TIAM1: variants seen among roughly 807,000 people sequenced by gnomAD.
The protein encoded by TIAM1 is rho guanine nucleotide exchange factor TIAM1.
In TIAM1, 65 loss-of-function variants were observed where a neutral mutation model predicts 163.5. That is an observed-to-expected ratio of 0.40 (90% CI 0.33 to 0.49). TIAM1 has a LOEUF of 0.49. TIAM1 is among the 20% of genes least tolerant of loss of function. The probability of loss-of-function intolerance (pLI) is 0.77; values close to 1 mark genes in which losing one functional copy is unlikely to be tolerated. For synonymous variants in TIAM1, 833 were observed against 810.1 expected (o/e 1.03, Z -0.48); for missense variants, 1,789 against 2,044.7 (o/e 0.87, Z 2.41).
chr21:31,521,525 T>C (rs1476328716), intron 1 of TIAM1, among the ~76,000 whole-genome samples: 1 of 152,088 alleles, frequency 6.6e-6, no homozygotes, highest in Non-Finnish European at 1.5e-5. Context: ...CACATGAGGC[T>C]AGGAGTTGAA....
intron 6 of TIAM1, among the ~76,000 whole-genome samples, chr21:31,229,079 G>A (rs1382729071): frequency 2.6e-5 from 4 of 152,072 alleles, no homozygotes; most frequent in Non-Finnish European, 5.9e-5. Context: ...ATTTGGGTGG[G>A]GGCACAGCCA....
intron 2 of TIAM1, among the ~76,000 whole-genome samples, chr21:31,419,922 G>A (rs1165506672): frequency 1.3e-5 from 2 of 152,106 alleles, no homozygotes; most frequent in Admixed American, 6.6e-5. Context: ...GTGGTGGCGC[G>A]TCTGTGGTCC....
At chr21:31,224,676 T>C (rs2087830800) in intron 7 of TIAM1, among the ~76,000 whole-genome samples, 2 of 152,156 alleles carry the variant, frequency 1.3e-5, no homozygotes, top group Non-Finnish European at 2.9e-5. Flanking sequence ...TGTTACTGAA[T>C]TGTTCGTGTT....
At chr21:31,162,705 G>A (rs548703996) in intron 16 of TIAM1, among the ~76,000 whole-genome samples, 2 of 149,980 alleles carry the variant, frequency 1.3e-5, no homozygotes, top group East Asian at 2.0e-4. Flanking sequence ...GCAGTGGCGC[G>A]ATCTTGACTC....
chr21:31,425,391 C>G (rs903988581), intron 2 of TIAM1, among the ~76,000 whole-genome samples: 3 of 152,126 alleles, frequency 2.0e-5, no homozygotes, highest in Non-Finnish European at 4.4e-5. Context: ...CTTCCCAAAA[C>G]GCAGCCCTGC....
chr21:31,273,303 A>C (rs1280725301), intron 3 of TIAM1, among the ~76,000 whole-genome samples: 2 of 152,160 alleles, frequency 1.3e-5, no homozygotes, highest in Non-Finnish European at 2.9e-5. Flanking sequence ...GAGAGTGTGG[A>C]GATCTTAGAG....
chr21:31,320,130 C>CAT lies in TIAM1; in HGVS notation c.-189+19111_-189+19112dup, dbSNP rs1181598626. Among the ~76,000 whole-genome samples the CAT allele has an allele frequency of 2.6e-5, 4 of 152,034 alleles. No individual in the cohort carries two copies. In the South Asian group the frequency reaches 6.2e-4, roughly 24 times the overall value. ...TATATAAACATATATATAAAAGATA[C>CAT]ATATATATATCATCAACCCAAAACA... On this transcript the variant is annotated intron_variant, in intron 2 of 27. Transcript: ENST00000541036.
At chr21:31,315,103 G>T (rs1257942548) in intron 2 of TIAM1, among the ~76,000 whole-genome samples, 2 of 152,156 alleles carry the variant, frequency 1.3e-5, no homozygotes, top group Non-Finnish European at 2.9e-5. Flanking sequence ...GCTGGGCGTG[G>T]TGGCTCACTG....
chr21:31,187,750 G>A (rs1024052798), intron 13 of TIAM1, among the ~76,000 whole-genome samples: 28 of 152,078 alleles, frequency 1.8e-4, no homozygotes, highest in African/African-American at 4.6e-4. Context: ...AGCAGAGTGA[G>A]GCCGAGGTAT....
At chr21:31,443,821 A>G (rs777632896) in intron 2 of TIAM1, among the ~76,000 whole-genome samples, 11 of 152,258 alleles carry the variant, frequency 7.2e-5, no homozygotes, top group Non-Finnish European at 1.5e-5. Context: ...ATAAGCTCAG[A>G]GCATCCCTAT....
At chr21:31,216,428 T>C (rs151053788) in intron 9 of TIAM1, among the ~76,000 whole-genome samples, 5 of 152,192 alleles carry the variant, frequency 3.3e-5, no homozygotes, top group African/African-American at 1.2e-4. Context: ...AGGCCTGACT[T>C]TCCAGCCACC....
chr21:31,469,750 T>A (rs1233694623), intron 1 of TIAM1, among the ~76,000 whole-genome samples: 2 of 151,854 alleles, frequency 1.3e-5, no homozygotes, highest in African/African-American at 4.8e-5. Flanking sequence ...AAGAATGGTG[T>A]GAACCCGGGA....
At chr21:31,146,477 G>A (rs187389437) in intron 20 of TIAM1, among the ~76,000 whole-genome samples, 12 of 150,924 alleles carry the variant, frequency 8.0e-5, no homozygotes, top group Non-Finnish European at 5.9e-5. Flanking sequence ...TTGGGAGGTC[G>A]AGGCGGGTGG....
intron 18 of TIAM1, 110 bp from the exon 19 acceptor site, chr21:31,152,871 A>C (rs1250781357): frequency 7.5e-6 from 11 of 1,465,530 alleles, no homozygotes; most frequent in Non-Finnish European, 9.2e-6. Context: ...TAAGAGAATA[A>C]TCCCACTACC....
rs79119859 is a variant in TIAM1 at position 31,216,691 on chromosome 21, C to T, written c.2142+862G>A. Among the ~76,000 whole-genome samples the T allele has an allele frequency of 8.9e-3, 1,359 of 152,226 alleles. 10 individuals carry two copies. Among genetic ancestry groups the T allele is most frequent in the Middle Eastern group, 0.027 (8 of 294 alleles). On this transcript the variant is annotated intron_variant, in intron 9 of 27. Transcript: ENST00000541036. ...TGGTCAGTGGACACCCGTCACGGCA[C>T]CAGGCTATGTTGCGCCCTCACGACA...
intron 1 of TIAM1, among the ~76,000 whole-genome samples, chr21:31,492,494 A>C (rs2046501819): frequency 6.6e-6 from 1 of 152,212 alleles, no homozygotes; most frequent in South Asian, 2.1e-4. Flanking sequence ...AAAACTTTAA[A>C]GACTGATCAA....
chr21:31,262,944 G>GA (rs962498855), intron 4 of TIAM1, among the ~76,000 whole-genome samples: 38 of 135,898 alleles, frequency 2.8e-4, no homozygotes, highest in Non-Finnish European at 4.2e-4. Flanking sequence ...CAAAAAAAAA[G>GA]AAAAAAATTT....
chr21:31,299,837 A>G (rs746767367), intron 2 of TIAM1, among the ~76,000 whole-genome samples: 11 of 152,194 alleles, frequency 7.2e-5, no homozygotes, highest in Admixed American at 1.3e-4. Flanking sequence ...AGTACATGGA[A>G]CAATCTGTTG....
At chr21:31,419,982 G>A (rs1305044796) in intron 2 of TIAM1, among the ~76,000 whole-genome samples, 1 of 152,202 alleles carries the variant, frequency 6.6e-6, no homozygotes, top group Non-Finnish European at 1.5e-5. Flanking sequence ...CCGAGAGGTG[G>A]AGGCTGCAGC....
Sources: allele counts gnomAD v4.1 joint callset (sites outside exome capture counted in the v4.1 genomes callset), GRCh38; gene constraint gnomAD v4.1.1; transcripts MANE v1.5; gene names NCBI Gene and HGNC (gene_info 2026-07-23, HGNC 2026-07-21).